The following CPO variants were observed in gnomAD, a reference collection of about 807,000 sequenced individuals.
CPO encodes the protein carboxypeptidase O.
In CPO, 43 loss-of-function variants were observed where a neutral mutation model predicts 41.2. The ratio of observed to expected loss-of-function variants is 1.04; its 90% CI spans 0.82 to 1.35. CPO has a LOEUF of 1.35. CPO is among the 40% of genes most tolerant of loss of function. The probability of loss-of-function intolerance (pLI) is 0.00; values close to 1 mark genes in which losing one functional copy is unlikely to be tolerated. For missense variants in CPO, 408 were observed against 451.7 expected (o/e 0.90, Z 0.88); for synonymous variants, 178 against 162.7 (o/e 1.09, Z -0.72).
intron 5 of CPO, among the ~76,000 whole-genome samples, chr2:206,960,204 C>A (rs771388628): frequency 3.9e-5 from 6 of 152,332 alleles, no homozygotes; most frequent in Middle Eastern, 3.4e-3. Context: ...CAGCAGACAA[C>A]TGTCTCTTTA....
At chr2:206,950,784 A>T (rs1412789509) in intron 2 of CPO, among the ~76,000 whole-genome samples, 1 of 152,184 alleles carries the variant, frequency 6.6e-6, no homozygotes, top group East Asian at 1.9e-4. Context: ...AGGGACATGG[A>T]TGAAGCTGGA....
At chr2:206,950,469 C>T (rs879183094) in intron 2 of CPO, among the ~76,000 whole-genome samples, 1 of 152,206 alleles carries the variant, frequency 6.6e-6, no homozygotes, top group Non-Finnish European at 1.5e-5. Context: ...AACGCTTTTA[C>T]ACTGTTGGTA....
intron 3 of CPO, among the ~76,000 whole-genome samples, chr2:206,957,410 G>A (rs1435880838): frequency 1.3e-5 from 2 of 152,024 alleles, no homozygotes; most frequent in Admixed American, 1.3e-4. Context: ...AAGGTAAGAG[G>A]TGGATTAGGA....
At chr2:206,947,310 T>G (rs892916256) in intron 1 of CPO, among the ~76,000 whole-genome samples, 1 of 152,136 alleles carries the variant, frequency 6.6e-6, no homozygotes, top group Non-Finnish European at 1.5e-5. Context: ...AACAAAACAG[T>G]CTTTTCAGCA....
intron 6 of CPO, among the ~76,000 whole-genome samples, chr2:206,961,628 A>G (rs1427818519): frequency 1.3e-5 from 2 of 152,146 alleles, no homozygotes; most frequent in East Asian, 1.9e-4. Flanking sequence ...TCTTATTATT[A>G]TTAATGAGGA....
chr2:206,947,813 A>G (rs1359492233), intron 1 of CPO, among the ~76,000 whole-genome samples: 2 of 152,208 alleles, frequency 1.3e-5, no homozygotes, highest in Non-Finnish European at 2.9e-5. Context: ...TCCACATCAT[A>G]TGTCACTAGG....
intron 2 of CPO, 39 bp from the exon 3 acceptor site, chr2:206,955,424 C>A (rs774477282): frequency 5.1e-5 from 60 of 1,176,028 alleles, no homozygotes; most frequent in Non-Finnish European, 7.4e-5. Context: ...TGCAAACAAT[C>A]TTCCTACTGA....
At chr2:206,951,396 T>C (rs1431299753) in intron 2 of CPO, among the ~76,000 whole-genome samples, 1 of 152,244 alleles carries the variant, frequency 6.6e-6, no homozygotes, top group Admixed American at 6.5e-5. Context: ...CAAATCTTTT[T>C]TGAGGTATAA....
intron 1 of CPO, among the ~76,000 whole-genome samples, chr2:206,942,198 A>G (rs1693042610): frequency 6.6e-6 from 1 of 152,148 alleles, no homozygotes; most frequent in Non-Finnish European, 1.5e-5. Flanking sequence ...GGTAGAATAC[A>G]GAATACAAAG....
intron 7 of CPO, among the ~76,000 whole-genome samples, chr2:206,966,312 G>C (rs1331300826): frequency 6.6e-6 from 1 of 151,812 alleles, no homozygotes; most frequent in Non-Finnish European, 1.5e-5. Context: ...CCAATGAAAG[G>C]TAAGGCCCCA....
At chr2:206,945,113 C>T (rs185640917) in intron 1 of CPO, among the ~76,000 whole-genome samples, 1 of 152,170 alleles carries the variant, frequency 6.6e-6, no homozygotes, top group East Asian at 1.9e-4. Flanking sequence ...TCATAAAAAT[C>T]CTTTGGGAAG....
chr2:206,948,231 A>AAT (rs1463398649), intron 1 of CPO, among the ~76,000 whole-genome samples: 2 of 152,212 alleles, frequency 1.3e-5, no homozygotes, highest in African/African-American at 2.4e-5. Flanking sequence ...CAGACAATGG[A>AAT]ATATTACACA....
Position 206,949,713 on chromosome 2 carries a change from G to A in CPO, c.165G>A (p.Glu55=), listed in dbSNP as rs751921497. The change falls in exon 2 of 9, where the codon GAG becomes GAA. Residue 55 remains glutamate, a splice_region_variant and synonymous_variant. Coordinates refer to ENST00000272852, the MANE Select transcript of CPO (RefSeq NM_173077.3). ...YSYNIYHPMG[E]IYEWMREISE... is the part of the protein sequence containing the mutation. The stretch of plus-strand genomic sequence containing the variant: ...ATAACATATACCACCCCATGGGAGA[G>A]GTAAGGAAGGACACATGGCAGGAGG... The A allele has an allele frequency of 1.3e-6, 2 of 1,598,218 alleles. No homozygotes were observed. Among genetic ancestry groups the A allele is most frequent in the East Asian group, 2.2e-5 (1 of 44,762 alleles).
intron 1 of CPO, 85 bp downstream of exon 1, chr2:206,939,752 G>A: frequency 8.7e-7 from 1 of 1,151,276 alleles, no homozygotes; most frequent in African/African-American, 1.5e-5. Flanking sequence ...CAATGCAGCT[G>A]GCTTCTCCTT....
intron 4 of CPO, among the ~76,000 whole-genome samples, chr2:206,958,701 T>C (rs1379666634): frequency 1.3e-5 from 2 of 151,686 alleles, no homozygotes; most frequent in Non-Finnish European, 2.9e-5. Context: ...CTGTGCCTCT[T>C]TCTAATAGTA....
chr2:206,952,046 C>T (rs1693274887), intron 2 of CPO, among the ~76,000 whole-genome samples: 1 of 152,116 alleles, frequency 6.6e-6, no homozygotes, highest in Non-Finnish European at 1.5e-5. Flanking sequence ...TTATCTATAC[C>T]TAGCCCATGC....
At chr2:206,968,529 G>A (rs1308745794) in intron 8 of CPO, among the ~76,000 whole-genome samples, 182 bp downstream of exon 8, 1 of 152,158 alleles carries the variant, frequency 6.6e-6, no homozygotes, top group African/African-American at 2.4e-5. Flanking sequence ...ACTCTCTAGG[G>A]ATAAGGTATG....
intron 3 of CPO, among the ~76,000 whole-genome samples, chr2:206,957,642 C>T (rs1693395247): frequency 6.6e-6 from 1 of 152,142 alleles, no homozygotes; most frequent in South Asian, 2.1e-4. Context: ...TGTTAACAGC[C>T]TCTTCTCCAC....
chr2:206,959,413 G>T (rs1693436521), intron 4 of CPO, among the ~76,000 whole-genome samples: 1 of 152,148 alleles, frequency 6.6e-6, no homozygotes, highest in Admixed American at 6.5e-5. Context: ...AAGGGAGAGT[G>T]GATGCCAGCA....
Sources: allele counts gnomAD v4.1 joint callset (sites outside exome capture counted in the v4.1 genomes callset), GRCh38; gene constraint gnomAD v4.1.1; transcripts MANE v1.5; gene names NCBI Gene and HGNC (gene_info 2026-07-23, HGNC 2026-07-21).